The following CNTN5 variants were observed in gnomAD, a reference collection of about 807,000 sequenced individuals.
The protein encoded by CNTN5 is contactin-5.
A neutral mutation model predicts 129.1 loss-of-function variants in CNTN5; 77 were observed. The observed-to-expected ratio is 0.60, with a 90% CI of 0.50 to 0.72. The LOEUF (loss-of-function observed/expected upper bound fraction) is 0.72. CNTN5 is among the 30% of genes least tolerant of loss of function. The probability of loss-of-function intolerance (pLI) is 0.00; values close to 1 mark genes in which losing one functional copy is unlikely to be tolerated. For missense variants in CNTN5, 1,478 were observed against 1,328.8 expected (o/e 1.11, Z -1.75); for synonymous variants, 509 against 465.6 (o/e 1.09, Z -1.20).
chr11:99,148,896 A>G (rs1280071975), intron 1 of CNTN5, among the ~76,000 whole-genome samples: 1 of 152,122 alleles, frequency 6.6e-6, no homozygotes, highest in African/African-American at 2.4e-5. Flanking sequence ...GTTTTTTTAA[A>G]TATTCACAAC....
chr11:100,134,399 C>G (rs1168184127), intron 13 of CNTN5, among the ~76,000 whole-genome samples: 1 of 152,114 alleles, frequency 6.6e-6, no homozygotes, highest in Non-Finnish European at 1.5e-5. Flanking sequence ...ATTCACTTTT[C>G]TAAACCTCAG....
At chr11:99,844,402 A>G (rs1245398713) in intron 4 of CNTN5, among the ~76,000 whole-genome samples, 1 of 152,190 alleles carries the variant, frequency 6.6e-6, no homozygotes, top group Non-Finnish European at 1.5e-5. Flanking sequence ...ATATAAAAAA[A>G]TGCAAGAGGA....
chr11:99,263,354 C>G (rs758830827), intron 1 of CNTN5, among the ~76,000 whole-genome samples: 1 of 152,038 alleles, frequency 6.6e-6, no homozygotes, highest in East Asian at 1.9e-4. Context: ...TGAGCTTTAT[C>G]GTCTTCAAAT....
At position 100,301,257 on chromosome 11, in the gene CNTN5, C is replaced by T. The variant is rs1450046294; in HGVS notation, c.2620+1861C>T. Among the ~76,000 whole-genome samples the T allele has an allele frequency of 5.9e-5, 9 of 151,584 alleles. No individual in the cohort carries two copies. The East Asian group carries it at 7.8e-4, about 13-fold the overall frequency. ...GATTAATTGGAGAAGTTTTTGAACA[C>T]GCTTTGTATAGTAACAACAGTGCTG... is the stretch of plus-strand genomic sequence containing the variant. On this transcript the variant is annotated intron_variant, in intron 20 of 24. Coordinates refer to ENST00000524871, the MANE Select transcript of CNTN5 (RefSeq NM_014361.4).
At chr11:99,293,142 T>A (rs575292473) in intron 1 of CNTN5, among the ~76,000 whole-genome samples, 45 of 152,106 alleles carry the variant, frequency 3.0e-4, no homozygotes, top group Non-Finnish European at 4.3e-4. Flanking sequence ...TGAAGAGATG[T>A]TGAATGTTAT....
rs564733132 is a variant in CNTN5, at chr11:99,924,270, T to C, written c.673+8121T>C. On this transcript the variant is annotated intron_variant, in intron 7 of 24. Transcript: ENST00000524871. ...CTGTTCATATCCTTTGCTTACTTTTTGGTTTTGTTGCATTTGCTTTTGAGA... is the reference window on the plus strand; with the variant it reads ...CTGTTCATATCCTTTGCTTACTTTTCGGTTTTGTTGCATTTGCTTTTGAGA... Among the ~76,000 whole-genome samples the C allele has an allele frequency of 9.4e-4, 143 of 152,300 alleles. 1 individual carries two copies. In the Middle Eastern group the frequency reaches 0.01, roughly 11 times the overall value.
At chr11:99,786,925 A>C (rs1591176688) in intron 3 of CNTN5, among the ~76,000 whole-genome samples, 1 of 152,310 alleles carries the variant, frequency 6.6e-6, no homozygotes, top group South Asian at 2.1e-4. Flanking sequence ...AAGTTAAGAG[A>C]ATCGATACGC....
At chr11:99,442,008 G>C (rs1311485077) in intron 2 of CNTN5, among the ~76,000 whole-genome samples, 2 of 152,076 alleles carry the variant, frequency 1.3e-5, no homozygotes, top group African/African-American at 4.8e-5. Flanking sequence ...TAAATCCTGA[G>C]TTGTAATCTC....
rs115712220 is a variant in CNTN5 at position 100,112,102 on chromosome 11, C to T, written c.1580+37808C>T. 2.7e-3 allele frequency among the ~76,000 whole-genome samples: 412 copies of T among 152,250 alleles called. 2 individuals are homozygous for T. Among genetic ancestry groups the T allele is most frequent in the African/African-American group, 9.5e-3 (396 of 41,564 alleles). On this transcript the variant is annotated intron_variant, in intron 13 of 24. Coordinates refer to ENST00000524871, the MANE Select transcript of CNTN5 (RefSeq NM_014361.4). ...TTGGAAACTAGGTGTGGCCATATGA[C>T]GTGCTTTAGCCAATGAAATGTGAGT...
intron 2 of CNTN5, among the ~76,000 whole-genome samples, chr11:99,512,146 C>A (rs1014781640): frequency 6.6e-6 from 1 of 152,130 alleles, no homozygotes; most frequent in Admixed American, 6.6e-5. Context: ...AAAATACCAA[C>A]CCTGCCGCCT....
At chr11:99,824,643 T>C (rs552054137) in intron 4 of CNTN5, among the ~76,000 whole-genome samples, 1 of 152,082 alleles carries the variant, frequency 6.6e-6, no homozygotes, top group South Asian at 2.1e-4. Flanking sequence ...GCTTTTCATG[T>C]CCTAAAAAAA....
At chr11:100,057,391 A>G (rs951439177) in intron 9 of CNTN5, among the ~76,000 whole-genome samples, 2 of 151,448 alleles carry the variant, frequency 1.3e-5, no homozygotes, top group Non-Finnish European at 3.0e-5. Flanking sequence ...ATAGTCAATC[A>G]TTTAAAACTT....
intron 2 of CNTN5, among the ~76,000 whole-genome samples, chr11:99,392,060 G>A (rs565304309): frequency 6.1e-4 from 92 of 151,914 alleles, no homozygotes; most frequent in African/African-American, 2.0e-3. Flanking sequence ...CAAATTCTTA[G>A]TTAATTGTCT....
At chr11:99,552,379 T>C (rs1029855135) in intron 2 of CNTN5, among the ~76,000 whole-genome samples, 1 of 152,098 alleles carries the variant, frequency 6.6e-6, no homozygotes, top group Non-Finnish European at 1.5e-5. Flanking sequence ...CTTGCTTCCA[T>C]GGATATGACA....
chr11:99,436,755 C>T (rs1943615257), intron 2 of CNTN5, among the ~76,000 whole-genome samples: 1 of 152,106 alleles, frequency 6.6e-6, no homozygotes. Flanking sequence ...CACAATAATT[C>T]TCATAGCGGT....
At chr11:99,047,584 T>G (rs1443018129) in intron 1 of CNTN5, among the ~76,000 whole-genome samples, 1 of 152,110 alleles carries the variant, frequency 6.6e-6, no homozygotes, top group Non-Finnish European at 1.5e-5. Context: ...TTTCCAGCAA[T>G]TAATCTGGTA....
chr11:99,817,684 T>C (rs1425382411), intron 3 of CNTN5, among the ~76,000 whole-genome samples: 2 of 139,812 alleles, frequency 1.4e-5, no homozygotes, highest in Non-Finnish European at 3.0e-5. Context: ...GAGAAATGAA[T>C]ACGTTCAGAA....
chr11:99,515,085 CT>C (rs1946996281), intron 2 of CNTN5, among the ~76,000 whole-genome samples: 1 of 151,952 alleles, frequency 6.6e-6, no homozygotes, highest in South Asian at 2.1e-4. Context: ...AAACAGGTCA[CT>C]GAACAAAAAG....
chr11:99,036,288 T>C lies in CNTN5; in HGVS notation c.-210+15018T>C, dbSNP rs1219249849. ...GGTTTAGACATTATATATGGTCCAA[T>C]ATCTCCTACACATCAGATTTTTTTT... On this transcript the variant is annotated intron_variant, in intron 1 of 24. Transcript: ENST00000524871. 2.0e-5 allele frequency among the ~76,000 whole-genome samples: 3 copies of C among 152,286 alleles called. No homozygotes were observed. In the East Asian group the frequency reaches 5.8e-4, roughly 29 times the overall value.
Sources: gnomAD v4.1 joint callset for allele counts (sites outside exome capture counted in the v4.1 genomes callset) on GRCh38, gnomAD v4.1.1 for gene constraint, MANE v1.5 for transcripts, NCBI Gene and HGNC (gene_info 2026-07-23, HGNC 2026-07-21) for gene names.